PRDM1: variants seen among roughly 807,000 people sequenced by gnomAD.
PRDM1 encodes PR/SET domain 1, also known as PR domain zinc finger protein 1.
In PRDM1, 13 loss-of-function variants were observed where a neutral mutation model predicts 62.8. The observed-to-expected ratio is 0.21, with a 90% CI of 0.13 to 0.33. PRDM1 has a LOEUF of 0.33. Among genes scored for constraint, PRDM1 ranks in the 10% least tolerant of loss-of-function variants. PRDM1 has a pLI of 1.00. For missense variants in PRDM1, 895 were observed against 1,058.8 expected (o/e 0.85, Z 2.15); for synonymous variants, 396 against 417.6 (o/e 0.95, Z 0.63).
At chr6:106,086,697 C>T in intron 1 of PRDM1, 102 bp downstream of exon 1, 1 of 1,105,766 alleles carries the variant, frequency 9.0e-7, no homozygotes, top group African/African-American at 1.6e-5. Flanking sequence ...TGGCTAATGT[C>T]GCAGTAGAAA....
chr6:106,087,765 G>T, intron 1 of PRDM1: 1 of 233,974 alleles, frequency 4.3e-6, no homozygotes, highest in East Asian at 6.0e-5. Flanking sequence ...TTCAGAGGCA[G>T]ACAGAGCTCC....
intron 1 of PRDM1, among the ~76,000 whole-genome samples, chr6:106,037,050 G>T (rs1772933416): frequency 6.6e-6 from 1 of 152,116 alleles, no homozygotes; most frequent in African/African-American, 2.4e-5. Context: ...ACCTCTTTTG[G>T]CATTTCTTGC....
At chr6:106,095,494 C>T (rs1774088948) in intron 2 of PRDM1, 121 bp from the exon 3 acceptor site, 3 of 1,143,190 alleles carry the variant, frequency 2.6e-6, no homozygotes, top group Admixed American at 2.5e-5. Flanking sequence ...TGTCTGTTTA[C>T]TTATCAAAAT....
At chr6:106,102,360 A>G (rs1286251040) in intron 4 of PRDM1, among the ~76,000 whole-genome samples, 1 of 152,264 alleles carries the variant, frequency 6.6e-6, no homozygotes, top group Non-Finnish European at 1.5e-5. Context: ...TTTAAAATGC[A>G]CCTTTACTGT....
intron 2 of PRDM1, among the ~76,000 whole-genome samples, chr6:106,091,754 C>T (rs374148014): frequency 7.2e-5 from 11 of 151,750 alleles, no homozygotes; most frequent in African/African-American, 1.9e-4. Context: ...GCCCAGGCAA[C>T]GAGAGTGAAA....
chr6:106,036,404 G>T (rs986898018), intron 1 of PRDM1, among the ~76,000 whole-genome samples: 1 of 152,074 alleles, frequency 6.6e-6, no homozygotes, highest in Non-Finnish European at 1.5e-5. Flanking sequence ...ATTTTAATTT[G>T]CATTTATTTG....
At chr6:106,029,777 GT>G (rs537938186) in intron 1 of PRDM1, among the ~76,000 whole-genome samples, 4 of 150,400 alleles carry the variant, frequency 2.7e-5, no homozygotes, top group Non-Finnish European at 4.4e-5. Flanking sequence ...TGGCTAATTG[GT>G]TTTTTTTTGT....
In PRDM1 at chr6:106,000,546, C is replaced by T. The variant is rs544325394; in HGVS notation, c.-67+6907C>T. Among the ~76,000 whole-genome samples, 3 of 152,282 alleles carry T rather than the reference C, an allele frequency of 2.0e-5. No individual in the cohort carries two copies. In the South Asian group the frequency reaches 6.2e-4, roughly 32 times the overall value. Reference sequence around the variant, plus strand: ...CTTTCCATCTCTTTTCCCTCCCTCCCTCCCTCACCAAGGTTATTTCCATGT... The same window carrying T: ...CTTTCCATCTCTTTTCCCTCCCTCCTTCCCTCACCAAGGTTATTTCCATGT... On this transcript the variant is annotated intron_variant, in intron 1 of 6. Coordinates refer to the PRDM1 transcript ENST00000652320.
intron 1 of PRDM1, among the ~76,000 whole-genome samples, chr6:106,073,425 T>G (rs1209121552): frequency 1.3e-5 from 2 of 152,196 alleles, no homozygotes; most frequent in African/African-American, 4.8e-5. Context: ...TCAATTTCCT[T>G]TTGATTAGGT....
rs1339284957 is a variant in PRDM1 at position 106,108,453 on chromosome 6, A to G, written c.*967A>G. ...CACTGCGAAAATTTCCCCAAAGCAT[A>G]GGTGGCTTTGTGTGTGTGCGATTTG... is the stretch of plus-strand genomic sequence containing the variant. On this transcript the variant is annotated 3_prime_UTR_variant, in exon 7 of 7. Transcript: ENST00000369096. 2 of 225,750 alleles carry G rather than the reference A, an allele frequency of 8.9e-6. No individual in the cohort carries two copies. Among genetic ancestry groups the G allele is most frequent in the African/African-American group, 4.6e-5 (2 of 43,824 alleles). The allele number at this position is 225,750 out of a possible 1,614,324, so 14.0% of individuals were successfully genotyped here.
At position 106,007,999 on chromosome 6, in the gene PRDM1, A is replaced by T. The variant is rs552887713; in HGVS notation, c.-67+14360A>T. 9.8e-5 allele frequency among the ~76,000 whole-genome samples: 15 copies of T among 152,320 alleles called. No individual in the cohort carries two copies. The East Asian group carries it at 2.9e-3, about 29-fold the overall frequency. ...TGATGAAATCTCTTTTTATCTCCAG[A>T]ACCTCTAATGGCTTTACATCATGTG... On this transcript the variant is annotated intron_variant, in intron 1 of 6. Transcript: ENST00000652320.
At chr6:106,039,943 T>C (rs1296720612) in intron 1 of PRDM1, among the ~76,000 whole-genome samples, 16 of 152,224 alleles carry the variant, frequency 1.1e-4, no homozygotes, top group Admixed American at 1.0e-3. Flanking sequence ...CCAGTGATAT[T>C]TTTCTGGCCT....
At chr6:106,073,927 C>T (rs1306170365) in intron 1 of PRDM1, among the ~76,000 whole-genome samples, 1 of 152,186 alleles carries the variant, frequency 6.6e-6, no homozygotes, top group Non-Finnish European at 1.5e-5. Flanking sequence ...CAGTAGAAAA[C>T]ATGATCCACA....
At chr6:106,016,389 T>C (rs1437417072) in intron 1 of PRDM1, among the ~76,000 whole-genome samples, 4 of 152,176 alleles carry the variant, frequency 2.6e-5, no homozygotes, top group Non-Finnish European at 4.4e-5. Flanking sequence ...ACATTTATCT[T>C]TCCTTCTAGC....
chr6:106,055,547 C>T (rs1773250333), intron 1 of PRDM1, among the ~76,000 whole-genome samples: 1 of 152,084 alleles, frequency 6.6e-6, no homozygotes, highest in Non-Finnish European at 1.5e-5. Flanking sequence ...GAGTATGTGT[C>T]CCCTTGAAAA....
At chr6:106,062,315 G>C (rs761016129) in intron 1 of PRDM1, among the ~76,000 whole-genome samples, 3 of 152,086 alleles carry the variant, frequency 2.0e-5, no homozygotes, top group Non-Finnish European at 4.4e-5. Flanking sequence ...TTTGTCCTTT[G>C]GAAAAGTGAA....
intron 1 of PRDM1, among the ~76,000 whole-genome samples, chr6:106,066,011 C>T (rs1773428161): frequency 6.6e-6 from 1 of 152,208 alleles, no homozygotes; most frequent in Admixed American, 6.5e-5. Context: ...CCCATGGAAG[C>T]TGAGCCTGTC....
At chr6:106,101,003 G>C (rs572558557) in intron 4 of PRDM1, among the ~76,000 whole-genome samples, 1 of 152,090 alleles carries the variant, frequency 6.6e-6, no homozygotes, top group Admixed American at 6.5e-5. Flanking sequence ...CCATTCGGCT[G>C]TTGTGGCATC....
chr6:106,105,128 A>T lies in PRDM1; in HGVS notation c.968A>T (p.Tyr323Phe), dbSNP rs758574532. 1 of 1,613,734 alleles carries T rather than the reference A, an allele frequency of 6.2e-7. No homozygotes were observed. The highest frequency in any genetic ancestry group is 1.7e-5 in the Admixed American group (1 of 59,980). ...GCCTACGGGATCGAGAGACCCACGT[A>T]CATCACTCGCTCCCCCATTCCATCC... ...SLAYGIERPT[Y>F]ITRSPIPSST... The change falls in exon 5 of 7, where the codon TAC (tyrosine) becomes TTC (phenylalanine). Residue 323 changes from tyrosine (Y) to phenylalanine (F), a missense_variant. This residue lies in a region of PRDM1 where 444 missense variants were observed against 422.7 expected (regional missense o/e 1.05). Transcript: ENST00000369096.
Sources: gnomAD v4.1 joint callset for allele counts (sites outside exome capture counted in the v4.1 genomes callset) on GRCh38, gnomAD v4.1.1 for gene constraint, gnomAD v4.1.1 regional missense constraint, MANE v1.5 for transcripts, NCBI Gene and HGNC (gene_info 2026-07-23, HGNC 2026-07-21) for gene names.